Variants in SLC22A16 observed in about 807,000 individuals in gnomAD.
The protein encoded by SLC22A16 is WUGSC:RG331P03.1.
A neutral mutation model predicts 52.9 loss-of-function variants in SLC22A16; 53 were observed. The observed-to-expected ratio is 1.00, with a 90% CI of 0.80 to 1.26. The LOEUF is 1.26. Ranked by LOEUF, SLC22A16 falls within the 50% of genes most tolerant of loss-of-function variation. The pLI is 0.00. For synonymous variants in SLC22A16, 291 were observed against 268.8 expected, an observed-to-expected ratio of 1.08 and a Z score of -0.81; for missense variants, 726 against 704.0, an observed-to-expected ratio of 1.03 and a Z score of -0.35.
At chr6:110,443,152 G>C (rs1483860421) in intron 3 of SLC22A16, among the ~76,000 whole-genome samples, 1 of 152,000 alleles carries the variant, frequency 6.6e-6, no homozygotes, top group Non-Finnish European at 1.5e-5. Context: ...CTGCTAAATG[G>C]AGACAAAAAA....
chr6:110,440,210 G>C (rs547665540), intron 4 of SLC22A16: 3 of 152,300 alleles, frequency 2.0e-5, no homozygotes, highest in Non-Finnish European at 4.4e-5. Context: ...GATCAGCATA[G>C]AGTACTGCAG....
Position 110,424,775 on chromosome 6 carries a change from C to A in SLC22A16, c.*98G>T. Reference sequence around the variant, plus strand: ...TTTCTTACAAAATTTATTAAAAAGACATACAAACAACATATGGGAGATGAG... The same window carrying A: ...TTTCTTACAAAATTTATTAAAAAGAAATACAAACAACATATGGGAGATGAG... On this transcript the variant is annotated 3_prime_UTR_variant, in exon 8 of 8. Coordinates refer to ENST00000368919, the MANE Select transcript of SLC22A16 (RefSeq NM_033125.4). The A allele has an allele frequency of 7.6e-7, 1 of 1,315,080 alleles. No homozygotes were observed. The highest frequency in any genetic ancestry group is 1.5e-5 in the South Asian group (1 of 65,594). 81.5% of individuals were successfully genotyped at this position (1,315,080 alleles called of 1,614,324 possible). A position where few individuals can be genotyped will look rare whatever the true frequency, so the allele number is the denominator to read the frequency against.
Position 110,431,080 on chromosome 6 carries a change from C to T in SLC22A16, c.1521+91G>A, listed in dbSNP as rs141488285. ...ACCCCATTAGGAAATGATGTACTGG[C>T]TTTCAGTAAATAACAATAGAGAAGT... On this transcript the variant is annotated intron_variant, in intron 7 of 7. Coordinates refer to ENST00000368919, the MANE Select transcript of SLC22A16 (RefSeq NM_033125.4). 1,400 of 1,061,326 alleles carry T rather than the reference C, an allele frequency of 1.3e-3. 16 individuals carry two copies. The highest frequency in any genetic ancestry group is 6.4e-3 in the South Asian group (491 of 77,038). The allele number at this position is 1,061,326 out of a possible 1,614,324, so 65.7% of individuals were successfully genotyped here.
chr6:110,438,906 C>A, intron 4 of SLC22A16, 59 bp from the exon 5 acceptor site: 1 of 1,597,842 alleles, frequency 6.3e-7, no homozygotes. Context: ...AAGGGGACCC[C>A]CGTCTTCTAA....
chr6:110,443,138 C>A (rs1029105598), intron 3 of SLC22A16, among the ~76,000 whole-genome samples: 3 of 152,062 alleles, frequency 2.0e-5, no homozygotes, highest in Non-Finnish European at 4.4e-5. Context: ...TTGTTAAATC[C>A]TAACTGCTAA....
At chr6:110,459,151 T>C (rs1459959967) in intron 1 of SLC22A16, among the ~76,000 whole-genome samples, 1 of 152,200 alleles carries the variant, frequency 6.6e-6, no homozygotes, top group African/African-American at 2.4e-5. Context: ...AATTACTATC[T>C]GTAGACATTC....
At chr6:110,437,872 T>G (rs1774794183) in intron 5 of SLC22A16, among the ~76,000 whole-genome samples, 1 of 152,188 alleles carries the variant, frequency 6.6e-6, no homozygotes. Flanking sequence ...ACTAAGAAAC[T>G]GTTTTTAAAA....
intron 1 of SLC22A16, among the ~76,000 whole-genome samples, chr6:110,457,579 ATAAG>A (rs1296984837): frequency 6.6e-6 from 1 of 152,232 alleles, no homozygotes; most frequent in African/African-American, 2.4e-5. Flanking sequence ...ATGATTATAT[ATAAG>A]TATCACCAAT....
chr6:110,475,190 G>A (rs1050359302), intron 1 of SLC22A16, among the ~76,000 whole-genome samples: 3 of 152,162 alleles, frequency 2.0e-5, no homozygotes, highest in Non-Finnish European at 4.4e-5. Context: ...TACATAAAGA[G>A]CTTGGCCCAG....
chr6:110,438,501 C>CTT (rs1057061269), intron 5 of SLC22A16, among the ~76,000 whole-genome samples: 1 of 146,980 alleles, frequency 6.8e-6, no homozygotes, highest in East Asian at 2.0e-4. Flanking sequence ...TTAGGCTTTT[C>CTT]TTTTTTTTTT....
rs1410135030 is a variant in SLC22A16 at position 110,456,793 on chromosome 6, C to T, written c.278G>A (p.Gly93Asp). The change falls in exon 2 of 8, where the codon GGT (glycine) becomes GAT (aspartate). Residue 93 changes from glycine to aspartate, a missense_variant. Transcript: ENST00000368919. ...KDYVTVQLQN[G>D]EIWELSRCSR... Reference sequence around the variant, plus strand: ...ACACCTTGAGAGCTCCCAGATCTCACCATTCTGCAACTGCACCGTAACATA... The same window carrying T: ...ACACCTTGAGAGCTCCCAGATCTCATCATTCTGCAACTGCACCGTAACATA... 3.1e-6 allele frequency: 5 copies of T among 1,614,222 alleles called. No individual in the cohort carries two copies. The Admixed American group carries it at 5.0e-5, about 16-fold the overall frequency.
At chr6:110,451,537 A>C (rs977899097) in intron 2 of SLC22A16, among the ~76,000 whole-genome samples, 1 of 152,218 alleles carries the variant, frequency 6.6e-6, no homozygotes, top group African/African-American at 2.4e-5. Flanking sequence ...CTGTCAATTC[A>C]ACTTTTCATT....
chr6:110,429,837 A>G (rs1443667620), intron 7 of SLC22A16, among the ~76,000 whole-genome samples: 3 of 152,064 alleles, frequency 2.0e-5, no homozygotes. Flanking sequence ...AAGGCTACTT[A>G]ACAGGTACAT....
At chr6:110,443,625 AT>A (rs1775059821) in intron 3 of SLC22A16, among the ~76,000 whole-genome samples, 2 of 152,176 alleles carry the variant, frequency 1.3e-5, no homozygotes, top group African/African-American at 4.8e-5. Context: ...GAAAAACAGT[AT>A]GACGATTCCT....
At chr6:110,467,983 T>C (rs1432246968) in intron 1 of SLC22A16, among the ~76,000 whole-genome samples, 2 of 152,194 alleles carry the variant, frequency 1.3e-5, no homozygotes, top group Admixed American at 6.5e-5. Flanking sequence ...TAGCCACCAT[T>C]CCTCACTTCT....
chr6:110,440,499 G>A (rs532415441), intron 4 of SLC22A16, among the ~76,000 whole-genome samples: 5 of 152,142 alleles, frequency 3.3e-5, no homozygotes, highest in Admixed American at 1.3e-4. Flanking sequence ...CATGGACGGC[G>A]GGGTGCTGTG....
At chr6:110,428,538 C>A (rs374339491) in intron 7 of SLC22A16, among the ~76,000 whole-genome samples, 3 of 152,240 alleles carry the variant, frequency 2.0e-5, no homozygotes, top group East Asian at 3.8e-4. Context: ...TACTTTCTGT[C>A]CATCAGTCTC....
At chr6:110,427,494 G>A (rs1774312931) in intron 7 of SLC22A16, among the ~76,000 whole-genome samples, 1 of 152,154 alleles carries the variant, frequency 6.6e-6, no homozygotes. Context: ...ACTTAGAACA[G>A]CGCCTGGCTG....
intron 3 of SLC22A16, among the ~76,000 whole-genome samples, chr6:110,446,612 G>C (rs896778221): frequency 6.6e-6 from 1 of 152,132 alleles, no homozygotes; most frequent in Non-Finnish European, 1.5e-5. Context: ...AGAAAATAAT[G>C]CCTCAGTAAT....
Sources: allele counts gnomAD v4.1 joint callset (sites outside exome capture counted in the v4.1 genomes callset), GRCh38; gene constraint gnomAD v4.1.1; transcripts MANE v1.5; gene names NCBI Gene and HGNC (gene_info 2026-07-23, HGNC 2026-07-21).